Variants in SLC22A11 observed in about 807,000 individuals in gnomAD.
The protein encoded by SLC22A11 is organic anion transporter 4.
In SLC22A11, 42 loss-of-function variants were observed where a neutral mutation model predicts 49.4. That is an observed-to-expected ratio of 0.85 (90% CI 0.66 to 1.10). SLC22A11 has a LOEUF of 1.10. Among genes scored for constraint, SLC22A11 ranks in the 50% least tolerant of loss-of-function variants. The pLI, the probability that SLC22A11 is intolerant of heterozygous loss-of-function variation, is 0.00. For synonymous variants in SLC22A11, 304 were observed against 315.8 expected (o/e 0.96, Z 0.40); for missense variants, 685 against 731.6 (o/e 0.94, Z 0.74).
intron 6 of SLC22A11, among the ~76,000 whole-genome samples, 160 bp from the exon 7 acceptor site, chr11:64,567,439 G>C (rs1037903570): frequency 6.6e-6 from 1 of 152,210 alleles, no homozygotes; most frequent in African/African-American, 2.4e-5. Context: ...GTTGTGTCCT[G>C]AGTTTGGCAG....
chr11:64,568,526 G>T, intron 7 of SLC22A11, 144 bp from the exon 8 acceptor site: 1 of 684,454 alleles, frequency 1.5e-6, no homozygotes, highest in East Asian at 2.6e-5. Context: ...CCCCAGCCCT[G>T]GGCAGCCCCG....
In SLC22A11 at chr11:64,569,826, G is replaced by A. The variant is rs772913836; in HGVS notation, c.1557G>A (p.Pro519=). The A allele has an allele frequency of 9.9e-6, 16 of 1,613,522 alleles. No homozygotes were observed. Among genetic ancestry groups the A allele is most frequent in the African/African-American group, 4.0e-5 (3 of 74,880 alleles). Residue 519 remains proline (P), a synonymous_variant, in exon 9 of 10, where the codon CCG becomes CCA. Coordinates refer to ENST00000301891, the MANE Select transcript of SLC22A11 (RefSeq NM_018484.4). ...TCCTCCCGGAGACCCAGGGACTTCC[G>A]CTCCCTGACACTATCCAGGACCTGG... The part of the protein sequence containing the change: ...LFFLPETQGL[P]LPDTIQDLES...
At position 64,559,103 on chromosome 11, in the gene SLC22A11, C is replaced by A. The variant is rs529627205; in HGVS notation, c.394-32C>A. 4 of 1,592,328 alleles carry A rather than the reference C, an allele frequency of 2.5e-6. No homozygotes were observed. The Admixed American group carries it at 5.0e-5, about 20-fold the overall frequency. On this transcript the variant is annotated intron_variant, in intron 1 of 9. Transcript: ENST00000301891. ...GCCCAGCCCTGTGATTTCATACCCCCCGAGCTGAGCCACTGCACCCTCCTC... is the reference window on the plus strand; with the variant it reads ...GCCCAGCCCTGTGATTTCATACCCCACGAGCTGAGCCACTGCACCCTCCTC...
In SLC22A11 at chr11:64,568,778, G is replaced by A. The variant is rs754364564; in HGVS notation, c.1382G>A (p.Arg461Gln). The A allele has an allele frequency of 1.5e-5, 24 of 1,612,864 alleles. No individual in the cohort carries two copies. Among genetic ancestry groups the A allele is most frequent in the Middle Eastern group, 1.6e-4 (1 of 6,074 alleles). The change falls in exon 8 of 10, where the codon CGG becomes CAG. Residue 461 changes from arginine (R) to glutamine (Q), a missense_variant and splice_region_variant. Coordinates refer to ENST00000301891, the MANE Select transcript of SLC22A11 (RefSeq NM_018484.4). The stretch of plus-strand genomic sequence containing the variant: ...GCTGAACTCTTTCCAACGCCAGTGC[G>A]GTAAGCTGGGCTGCAGGCCATGCCC... Reference protein sequence around the residue: ...YKAELFPTPVRMTADGILHTV... With the variant: ...YKAELFPTPVQMTADGILHTV...
rs1242855765 is a variant in SLC22A11, at chr11:64,556,051, A to G, written c.52A>G (p.Thr18Ala). 6.2e-7 allele frequency: 1 copy of G among 1,613,344 alleles called. No individual in the cohort carries two copies. The highest frequency in any genetic ancestry group is 1.7e-5 in the Admixed American group (1 of 59,962). Residue 18 changes from threonine (T) to alanine (A), a missense_variant, in exon 1 of 10, where the codon ACC (threonine) becomes GCC (alanine). Transcript: ENST00000301891. ...EQAGGVGLFQ[T>A]LQVLTFILPC... Reference sequence around the variant, plus strand: ...AGCCGGAGGCGTGGGCCTCTTCCAGACCCTGCAGGTGCTCACCTTCATCCT... The same window carrying G: ...AGCCGGAGGCGTGGGCCTCTTCCAGGCCCTGCAGGTGCTCACCTTCATCCT...
chr11:64,556,902 G>A (rs977098444), intron 1 of SLC22A11, among the ~76,000 whole-genome samples: 13 of 152,186 alleles, frequency 8.5e-5, no homozygotes, highest in Middle Eastern at 3.4e-3. Flanking sequence ...ATGAGGAAGC[G>A]CCAGATGGGC....
At position 64,556,278 on chromosome 11, in the gene SLC22A11, G is replaced by T; in HGVS notation, c.279G>T (p.Trp93Cys). The change falls in exon 1 of 10, where the codon TGG (tryptophan) becomes TGT (cysteine). Residue 93 changes from tryptophan (W) to cysteine (C), a missense_variant. By Grantham distance (215) the Trp-to-Cys change is radical. Transcript: ENST00000301891. ...GCCGCCGCTTCCGCCAGCCACAGTGGCAGCTCTTGGACCCCAATGCCACGG... is the reference window on the plus strand; with the variant it reads ...GCCGCCGCTTCCGCCAGCCACAGTGTCAGCTCTTGGACCCCAATGCCACGG... ...HQCRRFRQPQWQLLDPNATAT... is the reference protein window; with the variant it reads ...HQCRRFRQPQCQLLDPNATAT... 1 of 1,613,880 alleles carries T rather than the reference G, an allele frequency of 6.2e-7. No individual in the cohort carries two copies. Among genetic ancestry groups the T allele is most frequent in the Non-Finnish European group, 8.5e-7 (1 of 1,180,032 alleles).
chr11:64,571,342 T>C lies in SLC22A11; in HGVS notation c.*300T>C. ...GTTCCCCTCCCTTTCCCTGCCAGGC[T>C]CATGTCTTTACACCTTCACTCAGCC... On this transcript the variant is annotated 3_prime_UTR_variant, in exon 10 of 10. Coordinates refer to ENST00000301891, the MANE Select transcript of SLC22A11 (RefSeq NM_018484.4). 2.5e-6 allele frequency: 1 copy of C among 406,190 alleles called. No individual in the cohort carries two copies. The highest frequency in any genetic ancestry group is 4.5e-6 in the Non-Finnish European group (1 of 221,190). The allele number at this position is 406,190 out of a possible 1,614,324, so 25.2% of individuals were successfully genotyped here. A position where few individuals can be genotyped will look rare whatever the true frequency, so the allele number is the denominator to read the frequency against.
chr11:64,568,998 A>G (rs190588242), intron 8 of SLC22A11, among the ~76,000 whole-genome samples: 150 of 152,330 alleles, frequency 9.8e-4, no homozygotes, highest in African/African-American at 3.4e-3. Context: ...TTTGAGCCAC[A>G]GAGTCATCTG....
At position 64,564,489 on chromosome 11, in the gene SLC22A11, G is replaced by T; in HGVS notation, c.942+61G>T. ...CAGGACGTGCACTGAGGGATCATCC[G>T]TGTGGCCTCCAACAGCACCACCCAC... On this transcript the variant is annotated intron_variant, in intron 5 of 9. Transcript: ENST00000301891. The surrounding 1 kb of genome is among the most constrained non-coding windows in gnomAD (Gnocchi z 4.2). The T allele has an allele frequency of 5.0e-6, 8 of 1,588,466 alleles. No individual in the cohort carries two copies. Among genetic ancestry groups the T allele is most frequent in the Non-Finnish European group, 6.9e-6 (8 of 1,164,060 alleles).
chr11:64,563,133 C>T (rs982673233), intron 4 of SLC22A11, among the ~76,000 whole-genome samples: 3 of 152,098 alleles, frequency 2.0e-5, no homozygotes, highest in Non-Finnish European at 2.9e-5. Flanking sequence ...AAACCAGTGG[C>T]CCCGTGGAGC....
rs150160581 is a variant in SLC22A11 at position 64,562,332 on chromosome 11, G to A, written c.718G>A (p.Ala240Thr). The A allele has an allele frequency of 1.8e-4, 283 of 1,611,366 alleles. 1 individual carries two copies. The highest frequency in any genetic ancestry group is 1.5e-3 in the African/African-American group (112 of 74,998). ...GACGGTGGTGGGATGTGCCTTCAGC[G>A]CAGGCCAGGCGGCGCTGGGCGGCCT... Reference protein sequence around the residue: ...TMTVVGCAFSAGQAALGGLAF... With the variant: ...TMTVVGCAFSTGQAALGGLAF... The change falls in exon 4 of 10, where the codon GCA becomes ACA. Residue 240 changes from alanine to threonine, a missense_variant. Physicochemically the swap from Ala to Thr is moderately conservative, Grantham distance 58. Coordinates refer to ENST00000301891, the MANE Select transcript of SLC22A11 (RefSeq NM_018484.4). The surrounding 1 kb of genome is among the most constrained non-coding windows in gnomAD (Gnocchi z 4.4).
chr11:64,563,544 G>A (rs2038579289), intron 4 of SLC22A11, among the ~76,000 whole-genome samples: 1 of 147,458 alleles, frequency 6.8e-6, no homozygotes, highest in African/African-American at 2.5e-5. Context: ...CTGCCCCTGA[G>A]GTTGGGGAGA....
intron 7 of SLC22A11, among the ~76,000 whole-genome samples, chr11:64,568,207 C>T (rs1478976832): frequency 6.6e-6 from 1 of 152,216 alleles, no homozygotes; most frequent in Admixed American, 6.5e-5. Flanking sequence ...GGCACCTCCA[C>T]GGAGCAACGC....
rs749841095 is a variant in SLC22A11 at position 64,567,698 on chromosome 11, C to T, written c.1158C>T (p.Phe386=). 19 of 1,613,888 alleles carry T rather than the reference C, an allele frequency of 1.2e-5. No homozygotes were observed. Among genetic ancestry groups the T allele is most frequent in the Non-Finnish European group, 1.4e-5 (17 of 1,180,038 alleles). ...LLQALFGAVD[F]LGRATTALLL... is the part of the protein sequence containing the mutation. ...AGGCCCTCTTCGGGGCCGTGGACTTCCTGGGCCGGGCCACCACTGCCCTCT... is the reference window on the plus strand; with the variant it reads ...AGGCCCTCTTCGGGGCCGTGGACTTTCTGGGCCGGGCCACCACTGCCCTCT... The change falls in exon 7 of 10, where the codon TTC becomes TTT. Residue 386 remains phenylalanine, a synonymous_variant. Coordinates refer to ENST00000301891, the MANE Select transcript of SLC22A11 (RefSeq NM_018484.4).
Position 64,569,808 on chromosome 11 carries a change from G to A in SLC22A11, c.1539G>A (p.Pro513=), listed in dbSNP as rs34836439. ...GCCTGGTTGTGCTGTTCTTCCTCCC[G>A]GAGACCCAGGGACTTCCGCTCCCTG... The part of the protein sequence containing the change: ...ASSLVVLFFL[P]ETQGLPLPDT... The change falls in exon 9 of 10, where the codon CCG becomes CCA. Residue 513 remains proline (P), a synonymous_variant. Coordinates refer to ENST00000301891, the MANE Select transcript of SLC22A11 (RefSeq NM_018484.4). The A allele has an allele frequency of 9.9e-4, 1,600 of 1,613,858 alleles. 25 individuals are homozygous for A. The Admixed American group carries it at 0.024, about 25-fold the overall frequency.
chr11:64,562,173 C>G lies in SLC22A11; in HGVS notation c.652+15C>G. Reference sequence around the variant, plus strand: ...ACTGACACTGAGTGAGTCCCCGGCTCAGCGCGCTCCTGCCATGGGGGCGGG... The same window carrying G: ...ACTGACACTGAGTGAGTCCCCGGCTGAGCGCGCTCCTGCCATGGGGGCGGG... On this transcript the variant is annotated intron_variant, in intron 3 of 9. Coordinates refer to ENST00000301891, the MANE Select transcript of SLC22A11 (RefSeq NM_018484.4). This position sits in a 1 kb window ranked among gnomAD's most constrained non-coding sequence, Gnocchi z 4.4. The G allele has an allele frequency of 6.2e-7, 1 of 1,610,684 alleles. No individual in the cohort carries two copies. Among genetic ancestry groups the G allele is most frequent in the Non-Finnish European group, 8.5e-7 (1 of 1,177,832 alleles).
intron 4 of SLC22A11, among the ~76,000 whole-genome samples, chr11:64,563,799 C>G (rs2038584362): frequency 6.6e-6 from 1 of 151,596 alleles, no homozygotes; most frequent in South Asian, 2.1e-4. Flanking sequence ...ACCTGTAGAC[C>G]CTGCTACTCA....
At position 64,571,455 on chromosome 11, in the gene SLC22A11, C is replaced by A; in HGVS notation, c.*413C>A. ...TGAGAATGATCACGTGACCCACCCC[C>A]CAGGGCAGGTATCAGGGTGAACTGA... On this transcript the variant is annotated 3_prime_UTR_variant, in exon 10 of 10. Coordinates refer to ENST00000301891, the MANE Select transcript of SLC22A11 (RefSeq NM_018484.4). The A allele has an allele frequency of 5.3e-6, 1 of 187,408 alleles. No individual in the cohort carries two copies. Among genetic ancestry groups the A allele is most frequent in the Non-Finnish European group, 1.1e-5 (1 of 89,540 alleles). 11.6% of individuals were successfully genotyped at this position (187,408 alleles called of 1,614,324 possible). A position where few individuals can be genotyped will look rare whatever the true frequency, so the allele number is the denominator to read the frequency against.
Sources: gnomAD v4.1 joint callset for allele counts (sites outside exome capture counted in the v4.1 genomes callset) on GRCh38, gnomAD v4.1.1 for gene constraint, Gnocchi (gnomAD v3.1) non-coding constraint, MANE v1.5 for transcripts, NCBI Gene and HGNC (gene_info 2026-07-23, HGNC 2026-07-21) for gene names.